Variants in SYTL5 observed in about 807,000 individuals in gnomAD.
The protein encoded by SYTL5 is synaptotagmin like 5, also known as synaptotagmin-like protein 5.
SYTL5 carries 34 observed loss-of-function variants against 55.9 expected under a neutral mutation model. The observed-to-expected ratio is 0.61, with a 90% CI of 0.46 to 0.81. The LOEUF is 0.81. SYTL5 is among the 30% of genes least tolerant of loss of function. The pLI is 0.00. For synonymous variants in SYTL5, 221 were observed against 188.7 expected (o/e 1.17, Z -1.40); for missense variants, 637 against 546.7 (o/e 1.17, Z -1.65).
At chrX:38,008,783 A>G (rs903596705) in intron 1 of SYTL5, among the ~76,000 whole-genome samples, 4 of 111,963 alleles carry the variant, frequency 3.6e-5, no homozygotes, top group Non-Finnish European at 7.5e-5. Flanking sequence ...GGTCACCTGT[A>G]GTGCTGCTAG....
At chrX:37,912,465 T>A in the SYTL5 span, among the ~76,000 whole-genome samples, 1 of 111,839 alleles carries the variant, frequency 8.9e-6, no homozygotes, top group Admixed American at 9.5e-5. Context: ...GACAGTTATA[T>A]CTCCCATTGT....
At chrX:38,114,493 C>A (rs1937437916) in intron 13 of SYTL5, among the ~76,000 whole-genome samples, 1 of 111,979 alleles carries the variant, frequency 8.9e-6, no homozygotes, top group Admixed American at 9.5e-5. Flanking sequence ...TAGACAAAGT[C>A]ACAGAAATCA....
chrX:38,125,163 G>C (rs1408234041), intron 15 of SYTL5, 135 bp from the exon 16 acceptor site: 1 of 505,335 alleles, frequency 2.0e-6, no homozygotes, highest in East Asian at 3.7e-5. Context: ...TAATAAGTCA[G>C]TTCACTATAT....
chrX:37,935,022 T>C, the SYTL5 span, among the ~76,000 whole-genome samples: 1 of 109,836 alleles, frequency 9.1e-6, no homozygotes, highest in African/African-American at 3.3e-5. Context: ...GAATTCCAAG[T>C]TGGATAAACT....
intron 7 of SYTL5, among the ~76,000 whole-genome samples, chrX:38,093,837 C>T (rs1936856128): frequency 9.1e-6 from 1 of 109,367 alleles, no homozygotes; most frequent in African/African-American, 3.3e-5. Flanking sequence ...ACATGACATC[C>T]TGTTAAATGG....
chrX:38,120,728 T>C (rs999184273), intron 14 of SYTL5, among the ~76,000 whole-genome samples: 6 of 109,906 alleles, frequency 5.5e-5, no homozygotes, highest in African/African-American at 2.0e-4. Context: ...CCCAAAGATA[T>C]AGGATCTTCC....
At chrX:37,959,133 G>C in the SYTL5 span, among the ~76,000 whole-genome samples, 14 of 111,779 alleles carry the variant, frequency 1.3e-4, no homozygotes, top group Non-Finnish European at 2.6e-4. Context: ...AGCTCCACTA[G>C]GCATTGCCCT....
the SYTL5 span, among the ~76,000 whole-genome samples, chrX:37,950,713 T>C: frequency 9.0e-6 from 1 of 111,597 alleles, no homozygotes; most frequent in African/African-American, 3.2e-5. Flanking sequence ...TCATTAACAG[T>C]TTTATTATAA....
chrX:38,073,639 G>A lies in SYTL5; in HGVS notation c.495G>A (p.Lys165=), dbSNP rs1287149660. Residue 165 remains lysine, a synonymous_variant, in exon 5 of 17, where the codon AAG becomes AAA. Coordinates refer to ENST00000297875, the MANE Select transcript of SYTL5 (RefSeq NM_138780.3). The part of the protein sequence containing the change: ...SQEQTRQDAE[K]SDTSPVAGKK... ...AGCAAACCCGCCAGGATGCAGAAAA[G>A]TCAGACACTTCACCTGTTGCTGGGA... The A allele has an allele frequency of 2.5e-6, 3 of 1,200,657 alleles. No individual in the cohort carries two copies. Among genetic ancestry groups the A allele is most frequent in the Non-Finnish European group, 3.4e-6 (3 of 890,016 alleles).
At chrX:37,960,986 C>T in the SYTL5 span, among the ~76,000 whole-genome samples, 3 of 108,448 alleles carry the variant, frequency 2.8e-5, no homozygotes, top group African/African-American at 6.7e-5. Context: ...TTAGTAGAGA[C>T]GGGGTTTCAC....
At chrX:38,118,494 C>T (rs887034314) in intron 13 of SYTL5, among the ~76,000 whole-genome samples, 2 of 111,669 alleles carry the variant, frequency 1.8e-5, no homozygotes, top group African/African-American at 6.5e-5. Flanking sequence ...AAGGAAAAGC[C>T]TGACAAAGTA....
intron 1 of SYTL5, among the ~76,000 whole-genome samples, chrX:38,024,516 A>C (rs908782797): frequency 1.8e-5 from 2 of 111,150 alleles, no homozygotes; most frequent in African/African-American, 6.6e-5. Flanking sequence ...TATAATATCT[A>C]ATAACATCTC....
chrX:38,004,477 T>C (rs1387028609), upstream of SYTL5, among the ~76,000 whole-genome samples: 1 of 111,684 alleles, frequency 9.0e-6, no homozygotes, highest in African/African-American at 3.3e-5. Context: ...TGCACTCCCA[T>C]GTTTACTGCA....
At chrX:38,075,916 A>G (rs1358820433) in intron 5 of SYTL5, among the ~76,000 whole-genome samples, 1 of 112,414 alleles carries the variant, frequency 8.9e-6, no homozygotes, top group Non-Finnish European at 1.9e-5. Context: ...CTGGATCAGG[A>G]CTTTAAGTTC....
chrX:38,083,774 A>ATGTGTGTGTG (rs3068306), intron 6 of SYTL5, among the ~76,000 whole-genome samples: 1,960 of 94,310 alleles, frequency 0.021, 66 homozygotes, highest in African/African-American at 0.073. Flanking sequence ...AAATAGACTC[A>ATGTGTGTGTG]TGTGTGTGTG....
chrX:38,082,363 T>C (rs1360677561), intron 6 of SYTL5, among the ~76,000 whole-genome samples: 1 of 112,299 alleles, frequency 8.9e-6, no homozygotes, highest in African/African-American at 3.2e-5. Flanking sequence ...ACTCTCAGGG[T>C]AGCTAAGATA....
chrX:37,947,536 G>A, the SYTL5 span, among the ~76,000 whole-genome samples: 28 of 111,876 alleles, frequency 2.5e-4, no homozygotes, highest in Non-Finnish European at 4.1e-4. Context: ...GCGGAACTGT[G>A]AGTCATGTAA....
intron 1 of SYTL5, among the ~76,000 whole-genome samples, chrX:38,011,184 A>G (rs1315835122): frequency 1.8e-5 from 2 of 112,412 alleles, no homozygotes; most frequent in Non-Finnish European, 1.9e-5. Flanking sequence ...TATTTTTCAT[A>G]ATTGATAAAA....
chrX:37,968,231 C>T, the SYTL5 span, among the ~76,000 whole-genome samples: 20 of 110,790 alleles, frequency 1.8e-4, no homozygotes, highest in East Asian at 5.7e-4. Context: ...ACTAGAAAGG[C>T]GAAAACATCC....
Sources: gnomAD v4.1 joint callset for allele counts (sites outside exome capture counted in the v4.1 genomes callset) on GRCh38, gnomAD v4.1.1 for gene constraint, MANE v1.5 for transcripts, NCBI Gene and HGNC (gene_info 2026-07-23, HGNC 2026-07-21) for gene names.